SERPINF1: variants seen among roughly 807,000 people sequenced by gnomAD.
SERPINF1 encodes the protein serpin family F member 1, also known as pigment epithelium-derived factor.
SERPINF1 carries 29 observed loss-of-function variants against 37.3 expected under a neutral mutation model. The ratio of observed to expected loss-of-function variants is 0.78; its 90% CI spans 0.58 to 1.06. The LOEUF (loss-of-function observed/expected upper bound fraction) is 1.06, where lower values mean the gene tolerates loss of function less well. Ranked by LOEUF, SERPINF1 falls within the 50% of genes least tolerant of loss-of-function variation. SERPINF1 has a pLI of 0.00. For missense variants in SERPINF1, 553 were observed against 532.2 expected (o/e 1.04, Z -0.38); for synonymous variants, 281 against 227.9 (o/e 1.23, Z -2.10).
intron 3 of SERPINF1, among the ~76,000 whole-genome samples, chr17:1,770,335 G>A (rs753269618): frequency 3.9e-5 from 6 of 152,150 alleles, no homozygotes; most frequent in Non-Finnish European, 7.3e-5. Flanking sequence ...CCTTAACCAA[G>A]CTGGTGCTAG....
chr17:1,777,038 G>C, intron 7 of SERPINF1, 149 bp from the exon 8 acceptor site: 2 of 1,258,134 alleles, frequency 1.6e-6, no homozygotes, highest in Non-Finnish European at 2.3e-6. Context: ...TCCTGGGCAA[G>C]TCACTCCACC....
At chr17:1,769,408 CAAA>C (rs36107647) in intron 2 of SERPINF1, among the ~76,000 whole-genome samples, 47 of 120,586 alleles carry the variant, frequency 3.9e-4, no homozygotes, top group Non-Finnish European at 5.5e-4. Context: ...GACTCCGTCT[CAAA>C]AAAAAAAAAA....
chr17:1,767,732 A>G (rs1278038437), intron 2 of SERPINF1, among the ~76,000 whole-genome samples: 1 of 152,224 alleles, frequency 6.6e-6, no homozygotes, highest in South Asian at 2.1e-4. Flanking sequence ...AGGTCAGAGT[A>G]TGAATTCTGC....
At position 1,771,171 on chromosome 17, in the gene SERPINF1, C is replaced by T. The variant is rs747222233; in HGVS notation, c.426C>T (p.Ile142=). ...AGAACCTCAAGAGTGCCTCCCGGAT[C>T]GTCTTTGAGAAGAGTGAGTCGCCTT... ...PQKNLKSASR[I]VFEKKLRIKS... The change falls in exon 4 of 8, where the codon ATC becomes ATT. Residue 142 remains isoleucine (I), a synonymous_variant. Transcript: ENST00000254722. The T allele has an allele frequency of 2.5e-5, 41 of 1,613,390 alleles. No homozygotes were observed. Among genetic ancestry groups the T allele is most frequent in the Middle Eastern group, 1.6e-4 (1 of 6,062 alleles).
In SERPINF1 at chr17:1,771,615, G is replaced by A. The variant is rs533472631; in HGVS notation, c.440-257G>A. 4 of 536,700 alleles carry A rather than the reference G, an allele frequency of 7.5e-6. No individual in the cohort carries two copies. In the East Asian group the frequency reaches 1.0e-4, roughly 14 times the overall value. The allele number at this position is 536,700 out of a possible 1,614,324, so 33.2% of individuals were successfully genotyped here. A position where few individuals can be genotyped will look rare whatever the true frequency, so the allele number is the denominator to read the frequency against. On this transcript the variant is annotated intron_variant, in intron 4 of 7. Coordinates refer to ENST00000254722, the MANE Select transcript of SERPINF1 (RefSeq NM_002615.7). ...GAGGAAGGGCCCGTGAGCCCAAAGA[G>A]GCTCAGAAAGAGGAAGTGGGCTGCA...
Position 1,776,510 on chromosome 17 carries a change from C to A in SERPINF1, c.787-22C>A, listed in dbSNP as rs74341035. On this transcript the variant is annotated intron_variant, in intron 6 of 7. Coordinates refer to ENST00000254722, the MANE Select transcript of SERPINF1 (RefSeq NM_002615.7). ...CTTTTGGGCTCTGAAGGACTAACCA[C>A]ATGCTTTCTCACTTGTCTCAGATTG... 4 of 1,612,660 alleles carry A rather than the reference C, an allele frequency of 2.5e-6. No individual in the cohort carries two copies. The African/African-American group carries it at 5.3e-5, about 22-fold the overall frequency.
intron 7 of SERPINF1, 83 bp downstream of exon 7, chr17:1,776,825 G>GC (rs1311648923): frequency 7.7e-7 from 1 of 1,299,716 alleles, no homozygotes; most frequent in African/African-American, 1.5e-5. Context: ...TAAGCAGAAC[G>GC]CAAGGGCTCC....
intron 2 of SERPINF1, 86 bp downstream of exon 2, chr17:1,767,080 C>A: frequency 8.2e-7 from 1 of 1,212,490 alleles, no homozygotes; most frequent in Non-Finnish European, 1.2e-6. Flanking sequence ...GGAACCCGGA[C>A]CCAGGTTCCA....
At chr17:1,762,249 C>G (rs1416191380) in intron 1 of SERPINF1, 136 bp downstream of exon 1, 1 of 152,798 alleles carries the variant, frequency 6.5e-6, no homozygotes, top group Non-Finnish European at 1.5e-5. Flanking sequence ...GCGGAGACAG[C>G]AGCCCCTGCA....
At chr17:1,776,068 G>C (rs983420441) in intron 6 of SERPINF1, among the ~76,000 whole-genome samples, 5 of 152,126 alleles carry the variant, frequency 3.3e-5, no homozygotes, top group African/African-American at 1.2e-4. Flanking sequence ...AAGAGCCTCT[G>C]TTCAAAGGAG....
intron 6 of SERPINF1, among the ~76,000 whole-genome samples, chr17:1,775,661 A>G (rs1262487543): frequency 6.6e-6 from 1 of 151,326 alleles, no homozygotes; most frequent in Non-Finnish European, 1.5e-5. Flanking sequence ...CTCTTGCCTC[A>G]GCCTCCTGAG....
At position 1,769,838 on chromosome 17, in the gene SERPINF1, C is replaced by T. The variant is rs200755661; in HGVS notation, c.85-14C>T. ...TCCCTGAACTCAAACCCAAGACTTCCTGTCTCCTGCCAGGGCTCCCCAGAC... is the reference window on the plus strand; with the variant it reads ...TCCCTGAACTCAAACCCAAGACTTCTTGTCTCCTGCCAGGGCTCCCCAGAC... On this transcript the variant is annotated splice_polypyrimidine_tract_variant and intron_variant, in intron 2 of 7. Coordinates refer to ENST00000254722, the MANE Select transcript of SERPINF1 (RefSeq NM_002615.7). The T allele has an allele frequency of 3.6e-3, 5,862 of 1,614,150 alleles. 17 individuals carry two copies. The highest frequency in any genetic ancestry group is 4.2e-3 in the Non-Finnish European group (4,917 of 1,180,000).
At chr17:1,771,459 C>T (rs562347266) in intron 4 of SERPINF1, among the ~76,000 whole-genome samples, 6 of 152,044 alleles carry the variant, frequency 3.9e-5, no homozygotes, top group East Asian at 3.9e-4. Flanking sequence ...AGGATAGTCT[C>T]GATCTCCTGA....
chr17:1,765,009 A>G (rs574453654), intron 1 of SERPINF1, among the ~76,000 whole-genome samples: 3 of 151,086 alleles, frequency 2.0e-5, no homozygotes, highest in African/African-American at 7.3e-5. Context: ...ACACCCGGCT[A>G]ATTTTTGTAT....
At chr17:1,775,363 C>T (rs1907966325) in intron 6 of SERPINF1, among the ~76,000 whole-genome samples, 163 bp downstream of exon 6, 1 of 152,064 alleles carries the variant, frequency 6.6e-6, no homozygotes, top group South Asian at 2.1e-4. Flanking sequence ...CTTTCCTCCT[C>T]TTAAGATGGG....
In SERPINF1 at chr17:1,766,939, T is replaced by C. The variant is rs867577632; in HGVS notation, c.29T>C (p.Ile10Thr). The change falls in exon 2 of 8, where the codon ATT becomes ACT. Residue 10 changes from isoleucine to threonine, a missense_variant. Coordinates refer to ENST00000254722, the MANE Select transcript of SERPINF1 (RefSeq NM_002615.7). MQALVLLLC[I>T]GALLGHSSCQ... ...CAGGCCCTGGTGCTACTCCTCTGCA[T>C]TGGAGCCCTCCTCGGGCACAGCAGC... 1.8e-5 allele frequency: 28 copies of C among 1,565,506 alleles called. No homozygotes were observed. Among genetic ancestry groups the C allele is most frequent in the African/African-American group, 1.5e-4 (11 of 73,790 alleles).
intron 2 of SERPINF1, chr17:1,769,557 G>A (rs1462311767): frequency 4.1e-6 from 2 of 482,946 alleles, no homozygotes; most frequent in Non-Finnish European, 3.8e-6. Context: ...CGGGGAGGTG[G>A]AGGTTGCAGT....
At chr17:1,771,684 G>T in intron 4 of SERPINF1, 188 bp from the exon 5 acceptor site, 1 of 656,054 alleles carries the variant, frequency 1.5e-6, no homozygotes, top group South Asian at 1.6e-5. Context: ...GCGATGTGGG[G>T]AAATCTGCTG....
At chr17:1,763,206 T>C (rs1335301177) in intron 1 of SERPINF1, among the ~76,000 whole-genome samples, 6 of 152,116 alleles carry the variant, frequency 3.9e-5, no homozygotes, top group East Asian at 1.9e-4. Flanking sequence ...CCCACTGCCA[T>C]GTGGCTGAAG....
Sources: allele counts gnomAD v4.1 joint callset (sites outside exome capture counted in the v4.1 genomes callset), GRCh38; gene constraint gnomAD v4.1.1; transcripts MANE v1.5; gene names NCBI Gene and HGNC (gene_info 2026-07-23, HGNC 2026-07-21).